Variants in FABP7 observed in about 807,000 individuals in gnomAD.
The protein encoded by FABP7 is fatty acid binding protein 7, also known as fatty acid-binding protein, brain.
Under a neutral mutation model 14.2 loss-of-function variants are expected in FABP7, and 13 were observed. That is an observed-to-expected ratio of 0.91 (90% CI 0.59 to 1.45). The LOEUF is 1.45. Ranked by LOEUF, FABP7 falls within the 40% of genes most tolerant of loss-of-function variation. The probability of loss-of-function intolerance (pLI) is 0.00; values close to 1 mark genes in which losing one functional copy is unlikely to be tolerated. For missense variants in FABP7, 149 were observed against 157.6 expected, an observed-to-expected ratio of 0.95 and a Z score of 0.29; for synonymous variants, 49 against 51.4, an observed-to-expected ratio of 0.95 and a Z score of 0.20.
At chr6:122,753,276 T>G in the FABP7 span, among the ~76,000 whole-genome samples, 1 of 152,144 alleles carries the variant, frequency 6.6e-6, no homozygotes, top group African/African-American at 2.4e-5. Context: ...TAAAGATAAT[T>G]TTCACCCCTC....
chr6:122,756,166 C>T, the FABP7 span, among the ~76,000 whole-genome samples: 2 of 152,136 alleles, frequency 1.3e-5, no homozygotes, highest in South Asian at 2.1e-4. Flanking sequence ...CAGATAAACT[C>T]CCCTGCATTC....
chr6:122,764,000 A>C, the FABP7 span, among the ~76,000 whole-genome samples: 11 of 152,242 alleles, frequency 7.2e-5, no homozygotes, highest in African/African-American at 2.7e-4. Flanking sequence ...TCAAGGATCT[A>C]AACCTAGAAA....
At chr6:122,757,968 C>T in the FABP7 span, among the ~76,000 whole-genome samples, 1 of 152,144 alleles carries the variant, frequency 6.6e-6, no homozygotes, top group Non-Finnish European at 1.5e-5. Flanking sequence ...GTGTCAGTCA[C>T]TTTTCATAGT....
chr6:122,755,772 T>C, the FABP7 span, among the ~76,000 whole-genome samples: 1 of 152,050 alleles, frequency 6.6e-6, no homozygotes, highest in Non-Finnish European at 1.5e-5. Flanking sequence ...CCAGTATGTT[T>C]CTTGAATGAA....
At chr6:122,769,654 G>T in the FABP7 span, among the ~76,000 whole-genome samples, 3 of 151,986 alleles carry the variant, frequency 2.0e-5, no homozygotes, top group Non-Finnish European at 4.4e-5. Flanking sequence ...TTTCCAAAAG[G>T]ATAGAAAATT....
In FABP7 at chr6:122,783,775, C is replaced by G. The variant is rs200491146; in HGVS notation, c.*8C>G. ...CACTATGAGAAGGCATAAAAATGTT[C>G]CTGGTCGGGGCTTGGAAGAGCTCTT... On this transcript the variant is annotated 3_prime_UTR_variant, in exon 4 of 4. Coordinates refer to ENST00000368444, the MANE Select transcript of FABP7 (RefSeq NM_001446.5). 394 of 1,608,062 alleles carry G rather than the reference C, an allele frequency of 2.5e-4. No homozygotes were observed. Among genetic ancestry groups the G allele is most frequent in the Middle Eastern group, 3.3e-4 (2 of 6,042 alleles).
chr6:122,755,459 A>T, the FABP7 span, among the ~76,000 whole-genome samples: 19 of 131,938 alleles, frequency 1.4e-4, no homozygotes, highest in Admixed American at 1.0e-3. Context: ...TATGTTTTGT[A>T]TTTTTTTTTT....
At chr6:122,771,046 A>T in the FABP7 span, among the ~76,000 whole-genome samples, 2 of 152,196 alleles carry the variant, frequency 1.3e-5, no homozygotes, top group African/African-American at 4.8e-5. Flanking sequence ...TGCTGTTGAG[A>T]TTCAGCCCAT....
At chr6:122,755,599 G>A in the FABP7 span, among the ~76,000 whole-genome samples, 16 of 151,166 alleles carry the variant, frequency 1.1e-4, 1 homozygote, top group East Asian at 1.2e-3. Context: ...GACTACAGGC[G>A]CCTGCCACCA....
chr6:122,761,208 A>G, the FABP7 span, among the ~76,000 whole-genome samples: 1 of 152,170 alleles, frequency 6.6e-6, no homozygotes, highest in Non-Finnish European at 1.5e-5. Flanking sequence ...GACTGTTAAC[A>G]TACACAGTGG....
chr6:122,752,107 G>C, the FABP7 span, among the ~76,000 whole-genome samples: 1 of 147,128 alleles, frequency 6.8e-6, no homozygotes, highest in Non-Finnish European at 1.5e-5. Context: ...TTCTTTGTTA[G>C]CAAACCTCCC....
the FABP7 span, among the ~76,000 whole-genome samples, chr6:122,754,489 AC>A: frequency 1.3e-5 from 2 of 152,056 alleles, no homozygotes; most frequent in Non-Finnish European, 2.9e-5. Flanking sequence ...GAAATGATCC[AC>A]CTTTTCTTCA....
At chr6:122,753,788 C>T in the FABP7 span, among the ~76,000 whole-genome samples, 8 of 87,940 alleles carry the variant, frequency 9.1e-5, no homozygotes, top group African/African-American at 3.2e-4. Context: ...AATCCCGCCC[C>T]CCCCCCGCCC....
the FABP7 span, among the ~76,000 whole-genome samples, chr6:122,753,622 G>T: frequency 6.6e-6 from 1 of 152,044 alleles, no homozygotes; most frequent in Non-Finnish European, 1.5e-5. Context: ...TTGGCATTTT[G>T]AACAAAGAAT....
Position 122,783,780 on chromosome 6 carries a change from T to C in FABP7, c.*13T>C, listed in dbSNP as rs1780854323. 6.2e-7 allele frequency: 1 copy of C among 1,606,230 alleles called. No homozygotes were observed. On this transcript the variant is annotated 3_prime_UTR_variant, in exon 4 of 4. Transcript: ENST00000368444. ...TGAGAAGGCATAAAAATGTTCCTGGTCGGGGCTTGGAAGAGCTCTTCAGTT... is the reference window on the plus strand; with the variant it reads ...TGAGAAGGCATAAAAATGTTCCTGGCCGGGGCTTGGAAGAGCTCTTCAGTT...
the FABP7 span, among the ~76,000 whole-genome samples, chr6:122,756,296 T>C: frequency 5.9e-5 from 9 of 152,228 alleles, no homozygotes; most frequent in Non-Finnish European, 8.8e-5. Flanking sequence ...TTCTATAATT[T>C]TTATAATTTT....
chr6:122,762,188 C>G, the FABP7 span, among the ~76,000 whole-genome samples: 1 of 152,148 alleles, frequency 6.6e-6, no homozygotes, highest in African/African-American at 2.4e-5. Flanking sequence ...AAAGCGTATC[C>G]ACCATGATCA....
At chr6:122,750,637 T>A in the FABP7 span, among the ~76,000 whole-genome samples, 1 of 152,332 alleles carries the variant, frequency 6.6e-6, no homozygotes, top group South Asian at 2.1e-4. Context: ...GACATATGTT[T>A]AATGGTATGT....
At chr6:122,755,884 G>A in the FABP7 span, among the ~76,000 whole-genome samples, 3 of 152,036 alleles carry the variant, frequency 2.0e-5, no homozygotes, top group Admixed American at 2.0e-4. Context: ...TGAAAGAGTG[G>A]GTTAGGGGAC....
Sources: allele counts gnomAD v4.1 joint callset (sites outside exome capture counted in the v4.1 genomes callset), GRCh38; gene constraint gnomAD v4.1.1; transcripts MANE v1.5; gene names NCBI Gene and HGNC (gene_info 2026-07-23, HGNC 2026-07-21).